The following RRM2 variants were observed in gnomAD, a reference collection of about 807,000 sequenced individuals.
RRM2 encodes ribonucleotide reductase regulatory subunit M2, also known as ribonucleoside-diphosphate reductase subunit M2.
RRM2 carries 6 observed loss-of-function variants against 45.9 expected under a neutral mutation model. The observed-to-expected ratio is 0.13, with a 90% CI of 0.07 to 0.26. The LOEUF (loss-of-function observed/expected upper bound fraction) is 0.26, where lower values mean the gene tolerates loss of function less well. Among genes scored for constraint, RRM2 ranks in the 10% least tolerant of loss-of-function variants. The pLI, the probability that RRM2 is intolerant of heterozygous loss-of-function variation, is 1.00. For missense variants in RRM2, 343 were observed against 489.5 expected (o/e 0.70, Z 2.82); for synonymous variants, 177 against 173.0 (o/e 1.02, Z -0.18).
upstream of RRM2, among the ~76,000 whole-genome samples, chr2:10,137,661 C>A (rs572207481): frequency 6.6e-6 from 1 of 152,330 alleles, no homozygotes; most frequent in South Asian, 2.1e-4. Context: ...GAGCCTCACG[C>A]TTAGGAATGG....
intron 3 of RRM2, among the ~76,000 whole-genome samples, chr2:10,175,305 T>C (rs1663893303): frequency 6.6e-6 from 1 of 152,266 alleles, no homozygotes; most frequent in Non-Finnish European, 1.5e-5. Flanking sequence ...TTAAACCTCA[T>C]ATAAACGAAC....
intron 2 of RRM2, 125 bp downstream of exon 2, chr2:10,123,182 C>T: frequency 3.1e-6 from 4 of 1,298,730 alleles, no homozygotes; most frequent in Non-Finnish European, 4.1e-6. Flanking sequence ...GCGGCCCCTC[C>T]CCAGGGCTGC....
intron 3 of RRM2, among the ~76,000 whole-genome samples, chr2:10,164,057 C>T (rs1053197375): frequency 6.6e-6 from 1 of 151,796 alleles, no homozygotes; most frequent in African/African-American, 2.4e-5. Flanking sequence ...TGTGTGTGTG[C>T]ATGAGTGAAC....
At chr2:10,188,042 C>T (rs898458441) in intron 3 of RRM2, among the ~76,000 whole-genome samples, 5 of 152,274 alleles carry the variant, frequency 3.3e-5, no homozygotes, top group Admixed American at 2.6e-4. Context: ...TAGGGGGTTC[C>T]GATGCCCCTC....
chr2:10,157,467 C>T (rs955137507), intron 3 of RRM2, among the ~76,000 whole-genome samples: 1 of 152,212 alleles, frequency 6.6e-6, no homozygotes, highest in Non-Finnish European at 1.5e-5. Context: ...ACATCATTAG[C>T]ACCCAGGAAA....
At position 10,162,909 on chromosome 2, in the gene RRM2, G is replaced by A. The variant is rs757169601; in HGVS notation, n.482+20534G>A. Among the ~76,000 whole-genome samples, 84 of 152,356 alleles carry A rather than the reference G, an allele frequency of 5.5e-4. No homozygotes were observed. The Middle Eastern group carries it at 0.01, about 19-fold the overall frequency. On this transcript the variant is annotated intron_variant and non_coding_transcript_variant, in intron 3 of 3. Transcript: ENST00000381786. ...GGGCGGGGACCCCCGGGGCATGGCC[G>A]TCCACTGCAGGTCCCAGGAGGAGCC...
upstream of RRM2, among the ~76,000 whole-genome samples, chr2:10,137,373 G>C (rs1408953121): frequency 6.6e-6 from 1 of 152,228 alleles, no homozygotes; most frequent in Non-Finnish European, 1.5e-5. Flanking sequence ...TGGCCAGTGA[G>C]TCATATGGAA....
At chr2:10,145,480 A>C (rs1663169830) in intron 3 of RRM2, 1 of 152,194 alleles carries the variant, frequency 6.6e-6, no homozygotes, top group Admixed American at 6.5e-5. Flanking sequence ...TGCTGTTTGC[A>C]ATCCTCTACA....
At chr2:10,158,791 C>G (rs939804017) in intron 3 of RRM2, among the ~76,000 whole-genome samples, 7 of 152,090 alleles carry the variant, frequency 4.6e-5, no homozygotes, top group African/African-American at 1.7e-4. Flanking sequence ...GCCTGGCTGC[C>G]CCAGCTGGGG....
chr2:10,129,359 T>C lies in RRM2; in HGVS notation c.1143T>C (p.Asn381=). 6.2e-7 allele frequency: 1 copy of C among 1,612,600 alleles called. No individual in the cohort carries two copies. The highest frequency in any genetic ancestry group is 1.7e-5 in the Admixed American group (1 of 59,660). ...RMGVMSSPTE[N]SFTLDADF is the part of the protein sequence containing the mutation. ...GAGTGATGTCAAGTCCAACAGAGAA[T>C]TCTTTTACCTTGGATGCTGACTTCT... Residue 381 remains asparagine, a synonymous_variant, in exon 10 of 10, where the codon AAT becomes AAC. Transcript: ENST00000304567. The surrounding 1 kb of genome is among the most constrained non-coding windows in gnomAD (Gnocchi z 4.8).
At chr2:10,154,609 AAGG>A (rs1481833511) in intron 3 of RRM2, among the ~76,000 whole-genome samples, 2 of 151,946 alleles carry the variant, frequency 1.3e-5, no homozygotes, top group Non-Finnish European at 2.9e-5. Context: ...GGTGGGAAGA[AAGG>A]AGGAGGACCA....
intron 3 of RRM2, among the ~76,000 whole-genome samples, chr2:10,200,113 G>A (rs191085702): frequency 6.6e-6 from 1 of 152,322 alleles, no homozygotes; most frequent in Admixed American, 6.5e-5. Context: ...GATTACAGAA[G>A]TGAACCACCG....
chr2:10,199,216 T>A (rs1664481781), intron 3 of RRM2: 1 of 134,174 alleles, frequency 7.5e-6, no homozygotes, highest in Admixed American at 8.3e-5. Flanking sequence ...CACTGAAACA[T>A]CTAATTTTCA....
intron 3 of RRM2, 50 bp downstream of exon 3, chr2:10,123,580 A>C: frequency 2.5e-6 from 4 of 1,576,064 alleles, no homozygotes; most frequent in Non-Finnish European, 3.4e-6. Context: ...GTCACGCCTC[A>C]GACATAAATG....
chr2:10,193,270 T>C (rs1430841036), intron 3 of RRM2, among the ~76,000 whole-genome samples: 2 of 152,178 alleles, frequency 1.3e-5, no homozygotes, highest in African/African-American at 4.8e-5. Flanking sequence ...GAGATGCAAG[T>C]GTAGCAGGAG....
intron 3 of RRM2, among the ~76,000 whole-genome samples, chr2:10,149,046 C>T (rs6758411): frequency 0.63 from 96,260 of 151,692 alleles, 31,066 homozygotes; most frequent in African/African-American, 0.7. Context: ...CTTTCTCCAG[C>T]TCTGTCAGCT....
At chr2:10,147,712 G>A (rs1032478741) in intron 3 of RRM2, among the ~76,000 whole-genome samples, 1 of 152,156 alleles carries the variant, frequency 6.6e-6, no homozygotes, top group Non-Finnish European at 1.5e-5. Flanking sequence ...TGAAAAGTGT[G>A]TATTTTCTCT....
chr2:10,159,334 C>T (rs1040847522), intron 3 of RRM2, among the ~76,000 whole-genome samples: 9 of 152,204 alleles, frequency 5.9e-5, no homozygotes, highest in South Asian at 4.1e-4. Context: ...GACTGGTTCT[C>T]GCCCTCAGCC....
intron 3 of RRM2, among the ~76,000 whole-genome samples, chr2:10,208,924 C>T (rs1290251531): frequency 6.6e-6 from 1 of 152,156 alleles, no homozygotes; most frequent in African/African-American, 2.4e-5. Flanking sequence ...CCCACCTCTC[C>T]AGCTCAAGGC....
Sources: allele counts gnomAD v4.1 joint callset (sites outside exome capture counted in the v4.1 genomes callset), GRCh38; gene constraint gnomAD v4.1.1; non-coding constraint Gnocchi (gnomAD v3.1); transcripts MANE v1.5; gene names NCBI Gene and HGNC (gene_info 2026-07-23, HGNC 2026-07-21).